Variants in AP3B1 observed in about 807,000 individuals in gnomAD.
AP3B1 encodes the protein AP-3 complex subunit beta-1.
Under a neutral mutation model 132.5 loss-of-function variants are expected in AP3B1, and 61 were observed. That is an observed-to-expected ratio of 0.46 (90% CI 0.37 to 0.57). AP3B1 has a LOEUF of 0.57. Ranked by LOEUF, AP3B1 falls within the 20% of genes least tolerant of loss-of-function variation. The pLI, the probability that AP3B1 is intolerant of heterozygous loss-of-function variation, is 0.00. For missense variants in AP3B1, 1,120 were observed against 1,289.4 expected, an observed-to-expected ratio of 0.87 and a Z score of 2.01; for synonymous variants, 388 against 438.3, an observed-to-expected ratio of 0.89 and a Z score of 1.43.
Position 78,002,334 on chromosome 5 carries a change from AT to A in AP3B1, c.*567del. 3.0e-6 allele frequency: 1 copy of A among 338,918 alleles called. No homozygotes were observed. The highest frequency in any genetic ancestry group is 5.3e-6 in the Non-Finnish European group (1 of 189,496). 21.0% of individuals were successfully genotyped at this position (338,918 alleles called of 1,614,324 possible). Reference sequence around the variant, plus strand: ...AAAAATGCAAAGACAAATATGATTCATATGCTAGTTTATTTATCTTATTATT... The same window carrying A: ...AAAAATGCAAAGACAAATATGATTCAATGCTAGTTTATTTATCTTATTATT... On this transcript the variant is annotated 3_prime_UTR_variant, in exon 27 of 27. Coordinates refer to ENST00000255194, the MANE Select transcript of AP3B1 (RefSeq NM_003664.5).
At chr5:78,031,693 A>G (rs1220704454) in intron 24 of AP3B1, among the ~76,000 whole-genome samples, 2 of 152,184 alleles carry the variant, frequency 1.3e-5, no homozygotes, top group African/African-American at 2.4e-5. Flanking sequence ...GGTTCTTACC[A>G]TTATGGTAGT....
chr5:78,229,889 C>T (rs894222819), intron 3 of AP3B1, among the ~76,000 whole-genome samples: 3 of 152,162 alleles, frequency 2.0e-5, no homozygotes, highest in Admixed American at 6.6e-5. Flanking sequence ...ACTAACCAAT[C>T]TGGACTACTT....
intron 7 of AP3B1, among the ~76,000 whole-genome samples, chr5:78,181,917 A>G (rs1744388989): frequency 6.6e-6 from 1 of 152,192 alleles, no homozygotes; most frequent in Non-Finnish European, 1.5e-5. Flanking sequence ...TGACTATTAA[A>G]TCCCCATAGA....
intron 22 of AP3B1, among the ~76,000 whole-genome samples, chr5:78,046,893 C>T (rs1010581780): frequency 6.6e-6 from 1 of 152,096 alleles, no homozygotes; most frequent in Admixed American, 6.5e-5. Flanking sequence ...GTGATGTTCC[C>T]CTCCCTGTGT....
chr5:78,009,615 C>A (rs1221944848), intron 26 of AP3B1, among the ~76,000 whole-genome samples: 3 of 152,166 alleles, frequency 2.0e-5, no homozygotes, highest in Non-Finnish European at 4.4e-5. Context: ...GTTTCACTCA[C>A]AGCACCAGAC....
chr5:78,261,514 G>T (rs1406897532), intron 2 of AP3B1, among the ~76,000 whole-genome samples: 1 of 152,198 alleles, frequency 6.6e-6, no homozygotes, highest in Non-Finnish European at 1.5e-5. Flanking sequence ...CACCCAGGCT[G>T]CAGTGCAATG....
intron 1 of AP3B1, among the ~76,000 whole-genome samples, chr5:78,277,217 G>A (rs1433845466): frequency 6.6e-6 from 1 of 152,178 alleles, no homozygotes; most frequent in Non-Finnish European, 1.5e-5. Flanking sequence ...AGGTTGTCAT[G>A]AAGACTTAAT....
At chr5:78,131,263 A>T (rs1037312932) in intron 15 of AP3B1, among the ~76,000 whole-genome samples, 1 of 151,872 alleles carries the variant, frequency 6.6e-6, no homozygotes, top group Non-Finnish European at 1.5e-5. Context: ...AAGTTTTTTT[A>T]AAAAAATAAA....
At chr5:78,106,405 C>T (rs1751336942) in intron 20 of AP3B1, among the ~76,000 whole-genome samples, 1 of 152,072 alleles carries the variant, frequency 6.6e-6, no homozygotes, top group Admixed American at 6.5e-5. Context: ...CTGCAGAGAG[C>T]TGGGATCATG....
intron 7 of AP3B1, among the ~76,000 whole-genome samples, chr5:78,212,794 A>G (rs1745797159): frequency 6.6e-6 from 1 of 152,240 alleles, no homozygotes; most frequent in East Asian, 1.9e-4. Flanking sequence ...CATAAGAAAG[A>G]GCAAGCAAAT....
chr5:78,203,435 G>A (rs764202901), intron 7 of AP3B1, among the ~76,000 whole-genome samples: 27 of 152,124 alleles, frequency 1.8e-4, no homozygotes, highest in Non-Finnish European at 3.7e-4. Flanking sequence ...CATGAGAACA[G>A]TAGGGGGAAA....
At chr5:78,031,566 G>A (rs909652392) in intron 24 of AP3B1, among the ~76,000 whole-genome samples, 1 of 152,164 alleles carries the variant, frequency 6.6e-6, no homozygotes, top group African/African-American at 2.4e-5. Flanking sequence ...CAAATTAAAT[G>A]TGTATGTTGC....
At chr5:78,114,861 G>T (rs560865197) in intron 18 of AP3B1, among the ~76,000 whole-genome samples, 1 of 152,140 alleles carries the variant, frequency 6.6e-6, no homozygotes, top group Non-Finnish European at 1.5e-5. Context: ...GTTAGTGTTC[G>T]GATTCAGATC....
At chr5:78,240,228 A>C (rs150976263) in intron 3 of AP3B1, among the ~76,000 whole-genome samples, 176 of 152,338 alleles carry the variant, frequency 1.2e-3, no homozygotes, top group Middle Eastern at 6.8e-3. Context: ...TTTTATGGTG[A>C]GGGAAAGGCT....
rs75977152 is a variant in AP3B1 at position 78,254,496 on chromosome 5, C to G, written c.204+13024G>C. 7.1e-4 allele frequency among the ~76,000 whole-genome samples: 108 copies of G among 152,266 alleles called. 1 individual carries two copies. In the East Asian group the frequency reaches 0.011, roughly 15 times the overall value. ...AAAGAACAAATAACATACAACGGAG[C>G]TCCAATATGGTGGCAGTAGACTTTT... On this transcript the variant is annotated intron_variant, in intron 2 of 26. Transcript: ENST00000255194.
At chr5:78,009,082 T>A (rs1276018058) in intron 26 of AP3B1, among the ~76,000 whole-genome samples, 1 of 152,186 alleles carries the variant, frequency 6.6e-6, no homozygotes, top group Non-Finnish European at 1.5e-5. Context: ...AAATAATGTG[T>A]ACCAGTATTT....
At chr5:78,279,990 A>C (rs1453702749) in intron 1 of AP3B1, among the ~76,000 whole-genome samples, 1 of 145,192 alleles carries the variant, frequency 6.9e-6, no homozygotes, top group Non-Finnish European at 1.5e-5. Context: ...AAGTGGGAGG[A>C]TCAGACCAGG....
intron 7 of AP3B1, among the ~76,000 whole-genome samples, chr5:78,188,204 A>C (rs1744682783): frequency 6.6e-6 from 1 of 152,254 alleles, no homozygotes; most frequent in South Asian, 2.1e-4. Flanking sequence ...TGCCAAAAGC[A>C]ACTGCAACAA....
intron 22 of AP3B1, among the ~76,000 whole-genome samples, chr5:78,050,854 C>T (rs1324871466): frequency 3.3e-5 from 5 of 152,124 alleles, no homozygotes; most frequent in Non-Finnish European, 5.9e-5. Context: ...TACTATGGCT[C>T]GTGAGGAAGT....
Sources: gnomAD v4.1 joint callset for allele counts (sites outside exome capture counted in the v4.1 genomes callset) on GRCh38, gnomAD v4.1.1 for gene constraint, MANE v1.5 for transcripts, NCBI Gene and HGNC (gene_info 2026-07-23, HGNC 2026-07-21) for gene names.